ZNF652: variants seen among roughly 807,000 people sequenced by gnomAD.
ZNF652 encodes zinc finger protein 652.
In ZNF652, 16 loss-of-function variants were observed where a neutral mutation model predicts 45.2. The ratio of observed to expected loss-of-function variants is 0.35; its 90% confidence interval spans 0.24 to 0.54. The LOEUF is 0.54. ZNF652 is among the 20% of genes least tolerant of loss of function. The pLI is 0.91. For synonymous variants in ZNF652, 250 were observed against 260.6 expected (o/e 0.96, Z 0.39); for missense variants, 614 against 765.6 (o/e 0.80, Z 2.34).
chr17:49,336,310 G>A (rs58882737), intron 1 of ZNF652, among the ~76,000 whole-genome samples: 33,943 of 141,556 alleles, frequency 0.24, 4,061 homozygotes, highest in South Asian at 0.33. Context: ...GGCATGAGCT[G>A]CCATGCCCAG....
intron 1 of ZNF652, among the ~76,000 whole-genome samples, chr17:49,340,265 A>G (rs2070130597): frequency 6.6e-6 from 1 of 152,136 alleles, no homozygotes; most frequent in South Asian, 2.1e-4. Flanking sequence ...AGATAGAAAA[A>G]TTAATCCCAG....
At chr17:49,335,056 A>G (rs968964974) in intron 1 of ZNF652, among the ~76,000 whole-genome samples, 2 of 152,190 alleles carry the variant, frequency 1.3e-5, no homozygotes, top group African/African-American at 4.8e-5. Context: ...TGATGGTTGC[A>G]CAATCTTGTG....
intron 1 of ZNF652, among the ~76,000 whole-genome samples, chr17:49,348,746 T>C (rs2070239004): frequency 6.6e-6 from 1 of 152,106 alleles, no homozygotes; most frequent in Non-Finnish European, 1.5e-5. Context: ...TGCTTTAAAA[T>C]GAGAGGGGAC....
intron 1 of ZNF652, among the ~76,000 whole-genome samples, chr17:49,357,298 C>CAAA (rs34846468): frequency 7.1e-6 from 1 of 140,168 alleles, no homozygotes. Flanking sequence ...GACTCTGTCT[C>CAAA]AAAAAAAAAA....
At position 49,293,735 on chromosome 17, in the gene ZNF652, A is replaced by G. The variant is rs1204467547; in HGVS notation, c.*4678T>C. Among the ~76,000 whole-genome samples the G allele has an allele frequency of 6.6e-6, 1 of 151,888 alleles. No individual in the cohort carries two copies. The highest frequency in any genetic ancestry group is 2.4e-5 in the African/African-American group (1 of 41,386). On this transcript the variant is annotated 3_prime_UTR_variant, in exon 6 of 6. Transcript: ENST00000430262. ...TTCAGGCAAAGGAAAATTAAAACCC[A>G]AACTTTACTTGCTCAATTTTATAGT...
chr17:49,320,280 C>CA lies in ZNF652; in HGVS notation c.-258-2298dup, dbSNP rs149453336. ...TTTTCCTTGTGAGTTTATTCTTTTT[C>CA]AAAAAAATTACTTTTGCTTTCATGG... On this transcript the variant is annotated intron_variant, in intron 1 of 5. Transcript: ENST00000430262. 5.5e-3 allele frequency among the ~76,000 whole-genome samples: 834 copies of CA among 152,014 alleles called. 3 individuals carry two copies. Among genetic ancestry groups the CA allele is most frequent in the African/African-American group, 0.019 (794 of 41,478 alleles).
intron 5 of ZNF652, among the ~76,000 whole-genome samples, chr17:49,309,025 G>A (rs2069671190): frequency 6.6e-6 from 1 of 152,050 alleles, no homozygotes. Flanking sequence ...ACAAGAGAAA[G>A]AGGGAGGAAG....
intron 1 of ZNF652, among the ~76,000 whole-genome samples, chr17:49,354,610 C>CAAAAAAAAAAAA (rs562846972): frequency 8.9e-6 from 1 of 111,974 alleles, no homozygotes; most frequent in Admixed American, 9.5e-5. Context: ...GACTCCGCCT[C>CAAAAAAAAAAAA]AAAAAAAAAA....
At chr17:49,306,044 G>C (rs1459085846) in intron 5 of ZNF652, among the ~76,000 whole-genome samples, 1 of 152,022 alleles carries the variant, frequency 6.6e-6, no homozygotes, top group Non-Finnish European at 1.5e-5. Flanking sequence ...CACCCTTTAG[G>C]TATTACTGTC....
At position 49,294,409 on chromosome 17, in the gene ZNF652, T is replaced by C. The variant is rs549139828; in HGVS notation, c.*4004A>G. ...AGGTAACTGATTTGCACAGTCTTCTTTGAACTAAAGTTTTTTTTGTGGCGA... is the reference window on the plus strand; with the variant it reads ...AGGTAACTGATTTGCACAGTCTTCTCTGAACTAAAGTTTTTTTTGTGGCGA... On this transcript the variant is annotated 3_prime_UTR_variant, in exon 6 of 6. Transcript: ENST00000430262. Among the ~76,000 whole-genome samples, 85 of 152,304 alleles carry C rather than the reference T, an allele frequency of 5.6e-4. No individual in the cohort carries two copies. The highest frequency in any genetic ancestry group is 1.9e-3 in the African/African-American group (80 of 41,568).
chr17:49,315,590 T>C (rs1022288439), intron 2 of ZNF652, among the ~76,000 whole-genome samples: 1 of 150,790 alleles, frequency 6.6e-6, no homozygotes, highest in African/African-American at 2.4e-5. Flanking sequence ...AAAACCTATA[T>C]ATAAAGATCA....
Position 49,289,601 on chromosome 17 carries a change from C to A in ZNF652, c.*8812G>T, listed in dbSNP as rs888966997. On this transcript the variant is annotated 3_prime_UTR_variant, in exon 6 of 6. Transcript: ENST00000430262. ...AGCGGAGCTCAGTTCCACCTCACTG[C>A]AGTTCCCTGGGGCCAAGCAGCCCTC... 2.0e-5 allele frequency: 3 copies of A among 152,242 alleles called. No homozygotes were observed. Among genetic ancestry groups the A allele is most frequent in the Non-Finnish European group, 4.4e-5 (3 of 68,058 alleles). 9.4% of individuals were successfully genotyped at this position (152,242 alleles called of 1,614,324 possible).
chr17:49,331,837 T>TG (rs1488217466), intron 1 of ZNF652, among the ~76,000 whole-genome samples: 4 of 152,152 alleles, frequency 2.6e-5, no homozygotes, highest in African/African-American at 9.7e-5. Flanking sequence ...TGCATGGTAG[T>TG]GCATGCCTGT....
At chr17:49,334,182 A>G (rs928917618) in intron 1 of ZNF652, among the ~76,000 whole-genome samples, 4 of 152,208 alleles carry the variant, frequency 2.6e-5, no homozygotes, top group African/African-American at 9.6e-5. Context: ...ATTATCTGCT[A>G]TAAAAAGGAA....
At chr17:49,351,954 T>A (rs1365789757) in intron 1 of ZNF652, among the ~76,000 whole-genome samples, 2 of 152,010 alleles carry the variant, frequency 1.3e-5, no homozygotes, top group African/African-American at 4.8e-5. Flanking sequence ...ACCACTGTGA[T>A]CACACCACTC....
intron 1 of ZNF652, among the ~76,000 whole-genome samples, chr17:49,348,756 C>G (rs1430746854): frequency 1.3e-5 from 2 of 151,932 alleles, no homozygotes; most frequent in African/African-American, 4.8e-5. Flanking sequence ...TGAGAGGGGA[C>G]AGGTAGGGAA....
At chr17:49,341,082 G>T (rs1212036411) in intron 1 of ZNF652, among the ~76,000 whole-genome samples, 1 of 151,950 alleles carries the variant, frequency 6.6e-6, no homozygotes, top group Non-Finnish European at 1.5e-5. Context: ...ATGGTGGCAG[G>T]CTCCTGTAAT....
intron 2 of ZNF652, among the ~76,000 whole-genome samples, chr17:49,313,214 G>A (rs1876520061): frequency 6.6e-6 from 1 of 152,138 alleles, no homozygotes; most frequent in Admixed American, 6.5e-5. Context: ...GGAGTGCAGT[G>A]GCGCGATCTA....
chr17:49,352,327 G>T (rs960565877), intron 1 of ZNF652, among the ~76,000 whole-genome samples: 3 of 151,732 alleles, frequency 2.0e-5, no homozygotes, highest in Non-Finnish European at 2.9e-5. Flanking sequence ...GGAGCTGAAA[G>T]AACTTATAAT....
Sources: allele counts gnomAD v4.1 joint callset (sites outside exome capture counted in the v4.1 genomes callset), GRCh38; gene constraint gnomAD v4.1.1; transcripts MANE v1.5; gene names NCBI Gene and HGNC (gene_info 2026-07-23, HGNC 2026-07-21).